MTHFD2L: variants seen among roughly 807,000 people sequenced by gnomAD.
MTHFD2L encodes methylenetetrahydrofolate dehydrogenase (NADP+ dependent) 2 like, also known as bifunctional methylenetetrahydrofolate dehydrogenase/cyclohydrolase 2, mitochondrial.
MTHFD2L carries 29 observed loss-of-function variants against 34.9 expected under a neutral mutation model. The observed-to-expected ratio is 0.83, with a 90% CI of 0.62 to 1.13. The LOEUF (loss-of-function observed/expected upper bound fraction) is 1.13. MTHFD2L is among the 50% of genes most tolerant of loss of function. The pLI is 0.00. For synonymous variants in MTHFD2L, 167 were observed against 155.7 expected, an observed-to-expected ratio of 1.07 and a Z score of -0.54; for missense variants, 481 against 446.5, an observed-to-expected ratio of 1.08 and a Z score of -0.70.
chr4:74,237,140 A>T (rs1740966720), intron 6 of MTHFD2L, among the ~76,000 whole-genome samples: 1 of 152,196 alleles, frequency 6.6e-6, no homozygotes, highest in African/African-American at 2.4e-5. Context: ...AGGAGAAAGG[A>T]AATACAAAGA....
intron 6 of MTHFD2L, among the ~76,000 whole-genome samples, chr4:74,250,031 G>C (rs1175465432): frequency 6.6e-6 from 1 of 151,700 alleles, no homozygotes; most frequent in Non-Finnish European, 1.5e-5. Flanking sequence ...TGCCTGCCTT[G>C]CTAGATTGGG....
At chr4:74,149,177 T>C (rs1389010313) in intron 1 of MTHFD2L, among the ~76,000 whole-genome samples, 1 of 151,916 alleles carries the variant, frequency 6.6e-6, no homozygotes, top group Non-Finnish European at 1.5e-5. Context: ...CAGTTGTCTC[T>C]CCAGATTTAG....
intron 1 of MTHFD2L, among the ~76,000 whole-genome samples, chr4:74,137,639 A>G (rs1723024786): frequency 6.6e-6 from 1 of 152,186 alleles, no homozygotes; most frequent in Non-Finnish European, 1.5e-5. Context: ...CAATATATCA[A>G]GAAGATATCT....
intron 7 of MTHFD2L, among the ~76,000 whole-genome samples, chr4:74,297,414 A>C (rs918333061): frequency 2.0e-5 from 3 of 152,038 alleles, no homozygotes; most frequent in Non-Finnish European, 4.4e-5. Flanking sequence ...GCTGATATCA[A>C]TCAAGATCTC....
At chr4:74,245,696 C>T (rs1015474434) in intron 6 of MTHFD2L, among the ~76,000 whole-genome samples, 7 of 151,960 alleles carry the variant, frequency 4.6e-5, no homozygotes, top group Non-Finnish European at 1.0e-4. Flanking sequence ...TCTCATTGTT[C>T]AGTTCCCATC....
chr4:74,131,031 G>T (rs1265284186), intron 1 of MTHFD2L, among the ~76,000 whole-genome samples: 2 of 152,110 alleles, frequency 1.3e-5, no homozygotes, highest in Non-Finnish European at 2.9e-5. Context: ...CAACTTACAA[G>T]GGATGTGAAG....
At chr4:74,295,780 A>G (rs530061091) in intron 7 of MTHFD2L, among the ~76,000 whole-genome samples, 1 of 152,190 alleles carries the variant, frequency 6.6e-6, no homozygotes, top group East Asian at 1.9e-4. Context: ...AGTGTTTCCA[A>G]GAGTTCAGGC....
intron 2 of MTHFD2L, among the ~76,000 whole-genome samples, chr4:74,116,375 A>C (rs1471508693): frequency 1.3e-5 from 2 of 152,212 alleles, no homozygotes; most frequent in African/African-American, 4.8e-5. Context: ...ACATCTCAAA[A>C]ACATGACTAG....
At chr4:74,144,864 A>G (rs771640670) in intron 1 of MTHFD2L, among the ~76,000 whole-genome samples, 32 of 152,188 alleles carry the variant, frequency 2.1e-4, no homozygotes, top group Non-Finnish European at 4.1e-4. Context: ...GAGACTTCCT[A>G]TAAGAAAGAA....
chr4:74,180,331 T>C (rs774844598), intron 3 of MTHFD2L, among the ~76,000 whole-genome samples: 8 of 152,126 alleles, frequency 5.3e-5, no homozygotes, highest in African/African-American at 1.7e-4. Context: ...AAGACTGTTA[T>C]AATGAACAAA....
chr4:74,268,530 T>C (rs1391196485), intron 6 of MTHFD2L, among the ~76,000 whole-genome samples: 2 of 152,106 alleles, frequency 1.3e-5, no homozygotes, highest in African/African-American at 2.4e-5. Context: ...GGTAAACCTT[T>C]TCTTGCTTCA....
At chr4:74,254,791 G>A (rs1031690899) in intron 6 of MTHFD2L, among the ~76,000 whole-genome samples, 152 of 150,464 alleles carry the variant, frequency 1.0e-3, no homozygotes, top group African/African-American at 3.7e-3. Flanking sequence ...ACTTTAGTAT[G>A]AAGATTAAAA....
At chr4:74,251,613 C>G (rs1394013033) in intron 6 of MTHFD2L, among the ~76,000 whole-genome samples, 1 of 152,158 alleles carries the variant, frequency 6.6e-6, no homozygotes, top group Non-Finnish European at 1.5e-5. Context: ...CTCATGCCCT[C>G]ACTTCCACAA....
intron 6 of MTHFD2L, among the ~76,000 whole-genome samples, chr4:74,261,974 A>G (rs1403078457): frequency 6.6e-6 from 1 of 152,098 alleles, no homozygotes; most frequent in Non-Finnish European, 1.5e-5. Context: ...TATTATGAAC[A>G]GAGTAGTATT....
chr4:74,119,621 A>C (rs1488047438), upstream of MTHFD2L, among the ~76,000 whole-genome samples: 1 of 152,100 alleles, frequency 6.6e-6, no homozygotes, highest in Admixed American at 6.5e-5. Flanking sequence ...GTCTCTACTA[A>C]AAATACAAAA....
intron 6 of MTHFD2L, among the ~76,000 whole-genome samples, chr4:74,259,756 T>A (rs1020545243): frequency 6.6e-6 from 1 of 152,092 alleles, no homozygotes. Context: ...AAGTAGGGAA[T>A]GAAAAAGCCA....
chr4:74,245,950 A>G (rs7666791), intron 6 of MTHFD2L, among the ~76,000 whole-genome samples: 139,364 of 147,872 alleles, frequency 0.94, 66,018 homozygotes, highest in Non-Finnish European at 0.99. Context: ...GTGTGCATGT[A>G]CCTTTATAGC....
intron 7 of MTHFD2L, among the ~76,000 whole-genome samples, chr4:74,284,257 T>A (rs904251513): frequency 8.5e-5 from 13 of 152,056 alleles, no homozygotes; most frequent in African/African-American, 2.9e-4. Flanking sequence ...ATTAAAGGAA[T>A]CTGCAGTGAT....
intron 5 of MTHFD2L, among the ~76,000 whole-genome samples, chr4:74,222,577 G>A (rs990984149): frequency 2.0e-5 from 3 of 152,030 alleles, no homozygotes; most frequent in African/African-American, 7.2e-5. Context: ...GTTTGGGAGA[G>A]GACAAACATT....
Sources: allele counts gnomAD v4.1 joint callset (sites outside exome capture counted in the v4.1 genomes callset), GRCh38; gene constraint gnomAD v4.1.1; transcripts MANE v1.5; gene names NCBI Gene and HGNC (gene_info 2026-07-23, HGNC 2026-07-21).